COL4A1: variants seen among roughly 807,000 people sequenced by gnomAD.
COL4A1 encodes collagen alpha-1(IV) chain.
In COL4A1, 40 loss-of-function variants were observed where a neutral mutation model predicts 216.6. The observed-to-expected ratio is 0.18, with a 90% CI of 0.14 to 0.24. The LOEUF (loss-of-function observed/expected upper bound fraction) is 0.24, where lower values mean the gene tolerates loss of function less well. COL4A1 is among the 10% of genes least tolerant of loss of function. The pLI is 1.00. For missense variants in COL4A1, 1,628 were observed against 2,196.8 expected (o/e 0.74, Z 5.18); for synonymous variants, 839 against 810.7 (o/e 1.03, Z -0.59).
chr13:110,217,702 GC>G (rs1479418138), intron 2 of COL4A1, among the ~76,000 whole-genome samples: 2 of 152,194 alleles, frequency 1.3e-5, no homozygotes, highest in Non-Finnish European at 2.9e-5. Context: ...ATACGCCAAA[GC>G]CGGAGATGAC....
chr13:110,301,177 G>A (rs756731208), intron 1 of COL4A1, among the ~76,000 whole-genome samples: 7 of 152,220 alleles, frequency 4.6e-5, no homozygotes, highest in Non-Finnish European at 8.8e-5. Context: ...GTGTTCACTA[G>A]TAATACCACA....
In COL4A1 at chr13:110,185,387, G is replaced by C. The variant is rs143288736; in HGVS notation, c.1897+998C>G. Among the ~76,000 whole-genome samples, 620 of 152,210 alleles carry C rather than the reference G, an allele frequency of 4.1e-3. 3 individuals carry two copies. Among genetic ancestry groups the C allele is most frequent in the African/African-American group, 0.014 (579 of 41,534 alleles). ...TCTCCAATGTCTGACCTTGTGATCT[G>C]CCAGCCTCTGCCTCCCAAAGTGCTG... On this transcript the variant is annotated intron_variant, in intron 26 of 51. Transcript: ENST00000375820.
At chr13:110,151,374 A>G (rs996021685) in intron 51 of COL4A1, among the ~76,000 whole-genome samples, 2 of 152,154 alleles carry the variant, frequency 1.3e-5, no homozygotes, top group East Asian at 1.9e-4. Flanking sequence ...AGGCATGAAC[A>G]AAGTGCGCTC....
At chr13:110,170,062 A>AG (rs1877546385) in intron 42 of COL4A1, among the ~76,000 whole-genome samples, 2 of 88,408 alleles carry the variant, frequency 2.3e-5, no homozygotes, top group Non-Finnish European at 4.2e-5. Flanking sequence ...GAAGGAGGGG[A>AG]GGGAGGAGGG....
At chr13:110,222,688 G>A (rs1880551619) in intron 2 of COL4A1, among the ~76,000 whole-genome samples, 1 of 137,688 alleles carries the variant, frequency 7.3e-6, no homozygotes, top group African/African-American at 2.6e-5. Context: ...CAAGAGAATG[G>A]CATGAACCAG....
chr13:110,170,027 G>A (rs969594321), intron 42 of COL4A1, among the ~76,000 whole-genome samples: 1 of 137,834 alleles, frequency 7.3e-6, no homozygotes, highest in East Asian at 2.4e-4. Context: ...GGTCTGGGAA[G>A]GAAGGAAGGG....
chr13:110,218,840 C>A lies in COL4A1; in HGVS notation c.145-4825G>T, dbSNP rs189331424. ...CTCGAGATTTCCATTTACGAGCAGACTGCAAATCATTCAGGGAATGAAAGC... is the reference window on the plus strand; with the variant it reads ...CTCGAGATTTCCATTTACGAGCAGAATGCAAATCATTCAGGGAATGAAAGC... On this transcript the variant is annotated intron_variant, in intron 2 of 51. Coordinates refer to ENST00000375820, the MANE Select transcript of COL4A1 (RefSeq NM_001845.6). 1.7e-3 allele frequency among the ~76,000 whole-genome samples: 253 copies of A among 152,280 alleles called. 1 individual carries two copies. The highest frequency in any genetic ancestry group is 5.6e-3 in the African/African-American group (231 of 41,558).
At chr13:110,180,173 G>A (rs915112939) in intron 29 of COL4A1, among the ~76,000 whole-genome samples, 2 of 152,168 alleles carry the variant, frequency 1.3e-5, no homozygotes, top group African/African-American at 4.8e-5. Context: ...GGGGATGCTT[G>A]AAAAAGCATG....
rs1877181545 is a variant in COL4A1, at chr13:110,163,499, C to T, written c.4213G>A (p.Gly1405Ser). Residue 1405 changes from glycine to serine, a missense_variant, in exon 47 of 52, where the codon GGC (glycine) becomes AGC (serine). This residue lies in a region of COL4A1 where 345 missense variants were observed against 476.9 expected (regional missense o/e 0.72). Transcript: ENST00000375820. ...PGIPGFDGAPGQKGEMGPAGP... is the reference protein window; with the variant it reads ...PGIPGFDGAPSQKGEMGPAGP... Reference sequence around the variant, plus strand: ...GCAGGTCCCATCTCTCCTTTCTGGCCAGGGGCACCGTCAAACCCAGGAATA... The same window carrying T: ...GCAGGTCCCATCTCTCCTTTCTGGCTAGGGGCACCGTCAAACCCAGGAATA... The T allele has an allele frequency of 6.2e-7, 1 of 1,614,156 alleles. No individual in the cohort carries two copies. The highest frequency in any genetic ancestry group is 8.5e-7 in the Non-Finnish European group (1 of 1,180,032).
intron 1 of COL4A1, among the ~76,000 whole-genome samples, chr13:110,253,093 TTAC>T (rs1566417321): frequency 1.7e-5 from 2 of 115,020 alleles, no homozygotes; most frequent in Admixed American, 9.6e-5. Context: ...TACGTATGTA[TTAC>T]ATATACATAT....
chr13:110,216,150 G>A (rs949430864), intron 2 of COL4A1, among the ~76,000 whole-genome samples: 6 of 152,250 alleles, frequency 3.9e-5, no homozygotes, highest in Non-Finnish European at 8.8e-5. Flanking sequence ...GACTCCACGA[G>A]GGCCCTGATC....
At chr13:110,212,725 A>C in intron 4 of COL4A1, 107 bp from the exon 5 acceptor site, 9 of 1,303,592 alleles carry the variant, frequency 6.9e-6, no homozygotes, top group Non-Finnish European at 9.9e-6. Flanking sequence ...TTGGTGTCAG[A>C]ACACACACAA....
intron 25 of COL4A1, 124 bp from the exon 26 acceptor site, chr13:110,186,677 C>A: frequency 8.1e-7 from 1 of 1,235,440 alleles, no homozygotes. Context: ...TATTTATTTA[C>A]TTCATCTACC....
At chr13:110,248,586 G>A (rs1298512786) in intron 1 of COL4A1, among the ~76,000 whole-genome samples, 4 of 151,966 alleles carry the variant, frequency 2.6e-5, no homozygotes, top group Non-Finnish European at 5.9e-5. Context: ...CTGCCATCTG[G>A]ATTCAAGCGA....
At chr13:110,165,117 C>T (rs1877276769) in intron 45 of COL4A1, 127 bp from the exon 46 acceptor site, 2 of 1,385,030 alleles carry the variant, frequency 1.4e-6, no homozygotes, top group East Asian at 5.0e-5. Context: ...AAGTCATTAT[C>T]AAAACCCAGG....
chr13:110,244,514 G>A (rs1279962109), intron 1 of COL4A1, among the ~76,000 whole-genome samples: 4 of 152,190 alleles, frequency 2.6e-5, no homozygotes, highest in African/African-American at 9.7e-5. Context: ...GCCAAAATCT[G>A]TAACCTGTGC....
Position 110,222,511 on chromosome 13 carries a change from C to A in COL4A1, c.145-8496G>T, listed in dbSNP as rs931150522. Among the ~76,000 whole-genome samples the A allele has an allele frequency of 7.3e-5, 10 of 136,590 alleles. 1 individual carries two copies. Among genetic ancestry groups the A allele is most frequent in the Non-Finnish European group, 1.7e-4 (10 of 60,536 alleles). The allele number at this position is 136,590 out of a possible 152,430, so 89.6% of individuals were successfully genotyped here. A position where few individuals can be genotyped will look rare whatever the true frequency, so the allele number is the denominator to read the frequency against. On this transcript the variant is annotated intron_variant, in intron 2 of 51. Coordinates refer to ENST00000375820, the MANE Select transcript of COL4A1 (RefSeq NM_001845.6). ...TTTTCAGGCCGGGCGCGGTGGCTCA[C>A]GCCTGTAATCCTAGCACTTTGGGAG...
chr13:110,176,576 G>C (rs756001513), intron 35 of COL4A1, 50 bp downstream of exon 35: 1 of 1,590,912 alleles, frequency 6.3e-7, no homozygotes, highest in Non-Finnish European at 8.6e-7. Context: ...GGGAACACAG[G>C]CCTCATCCTG....
chr13:110,210,451 G>A (rs898192858), intron 8 of COL4A1, among the ~76,000 whole-genome samples: 1 of 151,924 alleles, frequency 6.6e-6, no homozygotes, highest in Non-Finnish European at 1.5e-5. Context: ...TGAATGTAGA[G>A]ACGGCAAAGC....
Sources: gnomAD v4.1 joint callset for allele counts (sites outside exome capture counted in the v4.1 genomes callset) on GRCh38, gnomAD v4.1.1 for gene constraint, gnomAD v4.1.1 regional missense constraint, MANE v1.5 for transcripts, NCBI Gene and HGNC (gene_info 2026-07-23, HGNC 2026-07-21) for gene names.